The following TAF3 variants were observed in gnomAD, a reference collection of about 807,000 sequenced individuals.
TAF3 encodes transcription initiation factor TFIID subunit 3.
TAF3 carries 7 observed loss-of-function variants against 80.6 expected under a neutral mutation model. The observed-to-expected ratio is 0.09, with a 90% CI of 0.05 to 0.16. The LOEUF (loss-of-function observed/expected upper bound fraction) is 0.16, where lower values mean the gene tolerates loss of function less well. Ranked by LOEUF, TAF3 falls within the 10% of genes least tolerant of loss-of-function variation. The pLI is 1.00. For missense variants in TAF3, 921 were observed against 1,140.2 expected (o/e 0.81, Z 2.77); for synonymous variants, 444 against 446.1 (o/e 1.00, Z 0.06).
At chr10:7,918,925 C>G (rs1445623342) in intron 2 of TAF3, among the ~76,000 whole-genome samples, 4 of 152,140 alleles carry the variant, frequency 2.6e-5, no homozygotes, top group Non-Finnish European at 4.4e-5. Context: ...GAGGCACTCA[C>G]CTCACCTCCG....
At chr10:7,896,624 T>TA (rs925458897) in intron 2 of TAF3, among the ~76,000 whole-genome samples, 14 of 152,210 alleles carry the variant, frequency 9.2e-5, no homozygotes, top group Non-Finnish European at 1.6e-4. Context: ...AGGTCTTTCA[T>TA]AAAATAGATA....
rs372959114 is a variant in TAF3, at chr10:7,964,247, C to T, written c.737C>T (p.Pro246Leu). Residue 246 changes from proline (P) to leucine (L), a missense_variant, in exon 3 of 7, where the codon CCG (proline) becomes CTG (leucine). Pro to Leu is a moderately conservative substitution (Grantham distance 98). Transcript: ENST00000344293. The surrounding 1 kb of genome is among the most constrained non-coding windows in gnomAD (Gnocchi z 4.1). ...STDLAPPSPE[P>L]PMLAPVAKSQ... ...GACTTGGCACCTCCCTCACCCGAGC[C>T]GCCAATGTTGGCTCCAGTTGCAAAA... 9.3e-6 allele frequency: 15 copies of T among 1,614,066 alleles called. No homozygotes were observed. The highest frequency in any genetic ancestry group is 3.3e-5 in the Admixed American group (2 of 60,008).
chr10:7,854,648 C>T (rs1195308601), intron 2 of TAF3, among the ~76,000 whole-genome samples: 1 of 128,896 alleles, frequency 7.8e-6, no homozygotes, highest in Non-Finnish European at 1.6e-5. Context: ...CTGAAAAGAG[C>T]CCTCTAATGG....
intron 5 of TAF3, among the ~76,000 whole-genome samples, chr10:8,010,817 C>T (rs1478744939): frequency 6.6e-6 from 1 of 151,962 alleles, no homozygotes; most frequent in Non-Finnish European, 1.5e-5. Flanking sequence ...GGCTCAGGCA[C>T]AAGAATTGCT....
intron 2 of TAF3, among the ~76,000 whole-genome samples, chr10:7,903,841 C>CT (rs1340388545): frequency 6.6e-6 from 1 of 151,734 alleles, no homozygotes; most frequent in Non-Finnish European, 1.5e-5. Context: ...GATATAGATC[C>CT]TCCCCTTCAG....
intron 2 of TAF3, among the ~76,000 whole-genome samples, chr10:7,925,936 A>G (rs1837811269): frequency 6.6e-6 from 1 of 152,176 alleles, no homozygotes; most frequent in Non-Finnish European, 1.5e-5. Context: ...TGGTAAGGCC[A>G]GGTGCAGTGG....
intron 2 of TAF3, among the ~76,000 whole-genome samples, chr10:7,838,165 T>C (rs774510996): frequency 9.2e-5 from 14 of 152,298 alleles, no homozygotes; most frequent in Middle Eastern, 6.8e-3. Context: ...GATTAGGGTT[T>C]AGTTGACTCC....
At chr10:7,893,989 G>A (rs933077137) in intron 2 of TAF3, among the ~76,000 whole-genome samples, 1 of 152,064 alleles carries the variant, frequency 6.6e-6, no homozygotes, top group East Asian at 1.9e-4. Flanking sequence ...AGCAGAGTAG[G>A]TACAAAACTC....
At chr10:8,013,330 G>A (rs1180156224) in intron 5 of TAF3, among the ~76,000 whole-genome samples, 5 of 152,174 alleles carry the variant, frequency 3.3e-5, no homozygotes, top group African/African-American at 1.2e-4. Context: ...CACATATAAA[G>A]TGGAGCTCTA....
intron 4 of TAF3, among the ~76,000 whole-genome samples, chr10:8,005,464 G>A (rs529045924): frequency 1.2e-4 from 19 of 152,302 alleles, no homozygotes; most frequent in African/African-American, 3.8e-4. Context: ...TGCCATTCTC[G>A]TGCATCTTTA....
chr10:7,832,912 T>A (rs1022127978), intron 2 of TAF3, among the ~76,000 whole-genome samples: 5 of 152,290 alleles, frequency 3.3e-5, no homozygotes, highest in Non-Finnish European at 5.9e-5. Context: ...TATTTTTAAA[T>A]GTACAGGGTG....
intron 2 of TAF3, among the ~76,000 whole-genome samples, chr10:7,877,220 T>A (rs764093490): frequency 1.3e-5 from 2 of 152,202 alleles, no homozygotes; most frequent in Non-Finnish European, 2.9e-5. Flanking sequence ...TCTTTAGAAA[T>A]AATTTATACT....
intron 2 of TAF3, among the ~76,000 whole-genome samples, chr10:7,898,525 G>C (rs954306982): frequency 2.3e-5 from 3 of 131,248 alleles, no homozygotes; most frequent in Non-Finnish European, 3.1e-5. Context: ...CAGATTGGGC[G>C]ACAGAACAAG....
rs75508103 is a variant in TAF3, at chr10:7,936,065, G to A, written c.410-27855G>A. ...AGACACGGCGGTGTCCTGGACTAGT[G>A]TGATTGTATCGTAAAACAGAGAGAA... is the stretch of plus-strand genomic sequence containing the variant. On this transcript the variant is annotated intron_variant, in intron 2 of 6. Coordinates refer to ENST00000344293, the MANE Select transcript of TAF3 (RefSeq NM_031923.4). Among the ~76,000 whole-genome samples, 797 of 152,206 alleles carry A rather than the reference G, an allele frequency of 5.2e-3. 11 individuals are homozygous for A. The highest frequency in any genetic ancestry group is 0.019 in the African/African-American group (771 of 41,528).
At chr10:7,978,966 A>G (rs1831698227) in intron 4 of TAF3, among the ~76,000 whole-genome samples, 1 of 151,282 alleles carries the variant, frequency 6.6e-6, no homozygotes, top group African/African-American at 2.4e-5. Context: ...ACTTGAGGCC[A>G]GGAGTTCAAG....
intron 4 of TAF3, among the ~76,000 whole-genome samples, chr10:7,986,917 T>G (rs1328158930): frequency 6.6e-6 from 1 of 152,196 alleles, no homozygotes; most frequent in Non-Finnish European, 1.5e-5. Context: ...AAGAACAGAT[T>G]AACTGCTTCA....
chr10:8,012,500 C>A (rs1295616962), intron 5 of TAF3, among the ~76,000 whole-genome samples: 1 of 152,202 alleles, frequency 6.6e-6, no homozygotes, highest in Non-Finnish European at 1.5e-5. Flanking sequence ...CACAGAGTCA[C>A]GGCCTTCTGA....
At chr10:7,910,074 G>A (rs1181463791) in intron 2 of TAF3, among the ~76,000 whole-genome samples, 1 of 152,086 alleles carries the variant, frequency 6.6e-6, no homozygotes, top group Non-Finnish European at 1.5e-5. Flanking sequence ...TTGTTGTATT[G>A]TTACTTTTAT....
chr10:7,971,675 G>A (rs954664519), intron 3 of TAF3, among the ~76,000 whole-genome samples: 1 of 152,066 alleles, frequency 6.6e-6, no homozygotes, highest in Non-Finnish European at 1.5e-5. Context: ...TTTGCTTCAA[G>A]TCAGGATTTT....
Sources: gnomAD v4.1 joint callset for allele counts (sites outside exome capture counted in the v4.1 genomes callset) on GRCh38, gnomAD v4.1.1 for gene constraint, Gnocchi (gnomAD v3.1) non-coding constraint, MANE v1.5 for transcripts, NCBI Gene and HGNC (gene_info 2026-07-23, HGNC 2026-07-21) for gene names.